The following ARHGAP6 variants were observed in gnomAD, a reference collection of about 807,000 sequenced individuals.
The protein encoded by ARHGAP6 is rho GTPase-activating protein 6.
A neutral mutation model predicts 55.7 loss-of-function variants in ARHGAP6; 16 were observed. The observed-to-expected ratio is 0.29, with a 90% confidence interval of 0.19 to 0.44. ARHGAP6 has a LOEUF of 0.44. ARHGAP6 is among the 20% of genes least tolerant of loss of function. The pLI, the probability that ARHGAP6 is intolerant of heterozygous loss-of-function variation, is 1.00. For synonymous variants in ARHGAP6, 382 were observed against 360.9 expected, an observed-to-expected ratio of 1.06 and a Z score of -0.66; for missense variants, 698 against 808.9, an observed-to-expected ratio of 0.86 and a Z score of 1.66.
At chrX:11,140,158 A>C (rs1181692175) in intron 12 of ARHGAP6, among the ~76,000 whole-genome samples, 1 of 108,412 alleles carries the variant, frequency 9.2e-6, no homozygotes, top group Non-Finnish European at 1.9e-5. Context: ...AAATGTGGAC[A>C]GATGTGATGT....
At chrX:11,330,173 GT>G (rs2048545157) in intron 1 of ARHGAP6, among the ~76,000 whole-genome samples, 1 of 112,998 alleles carries the variant, frequency 8.8e-6, no homozygotes, top group African/African-American at 3.2e-5. Flanking sequence ...CAGCAATGGG[GT>G]TAAAGGGTGC....
intron 1 of ARHGAP6, among the ~76,000 whole-genome samples, chrX:11,473,392 A>G (rs1037133541): frequency 1.8e-5 from 2 of 111,973 alleles, no homozygotes; most frequent in Admixed American, 9.4e-5. Flanking sequence ...TTATTTAGAA[A>G]TGGGATCTTC....
intron 1 of ARHGAP6, among the ~76,000 whole-genome samples, chrX:11,464,545 G>A (rs1456832648): frequency 8.9e-6 from 1 of 112,080 alleles, no homozygotes; most frequent in Non-Finnish European, 1.9e-5. Flanking sequence ...ACAAACCTTG[G>A]CCAAACCCTT....
In ARHGAP6 at chrX:11,503,916, T is replaced by C. The variant is rs769230009; in HGVS notation, c.588+160325A>G. Reference sequence around the variant, plus strand: ...CATGCACACACACATCTGTGTCTTTTGCAAAACCGTGGTTGAAAAATTATC... The same window carrying C: ...CATGCACACACACATCTGTGTCTTTCGCAAAACCGTGGTTGAAAAATTATC... On this transcript the variant is annotated intron_variant, in intron 1 of 12. Transcript: ENST00000337414. Among the ~76,000 whole-genome samples the C allele has an allele frequency of 2.7e-5, 3 of 111,695 alleles. No homozygotes were observed. The East Asian group carries it at 8.4e-4, about 31-fold the overall frequency.
At chrX:11,422,365 C>T (rs944589351) in intron 1 of ARHGAP6, among the ~76,000 whole-genome samples, 2 of 111,193 alleles carry the variant, frequency 1.8e-5, no homozygotes, top group Non-Finnish European at 3.8e-5. Flanking sequence ...AGAAAGGGCA[C>T]AGATGTGGCC....
intron 1 of ARHGAP6, among the ~76,000 whole-genome samples, chrX:11,428,794 A>G (rs991382668): frequency 2.7e-5 from 3 of 111,977 alleles, no homozygotes; most frequent in African/African-American, 9.8e-5. Context: ...CTGGCATGTA[A>G]TATTTTAAAA....
intron 2 of ARHGAP6, among the ~76,000 whole-genome samples, chrX:11,215,488 C>G (rs2046868939): frequency 8.8e-6 from 1 of 113,303 alleles, no homozygotes; most frequent in South Asian, 3.6e-4. Flanking sequence ...GCGATCCCTC[C>G]TGCTCCCACA....
intron 2 of ARHGAP6, among the ~76,000 whole-genome samples, chrX:11,215,801 G>A (rs748773366): frequency 2.8e-4 from 31 of 112,452 alleles, no homozygotes; most frequent in African/African-American, 1.0e-3. Context: ...CTCTCTGCGC[G>A]GGGGGCACAC....
At chrX:11,449,502 A>G (rs1329579480) in intron 1 of ARHGAP6, among the ~76,000 whole-genome samples, 2 of 111,719 alleles carry the variant, frequency 1.8e-5, no homozygotes, top group East Asian at 2.8e-4. Flanking sequence ...CTCTAAAGTC[A>G]CACCTCCACT....
chrX:11,213,582 A>C (rs138842981), intron 2 of ARHGAP6, among the ~76,000 whole-genome samples: 111 of 112,876 alleles, frequency 9.8e-4, no homozygotes, highest in African/African-American at 3.4e-3. Context: ...ATGAAAAAGA[A>C]TGAAATCATG....
chrX:11,468,953 A>G lies in ARHGAP6; in HGVS notation c.588+195288T>C, dbSNP rs148690485. Among the ~76,000 whole-genome samples, 34 of 112,588 alleles carry G rather than the reference A, an allele frequency of 3.0e-4. No individual in the cohort carries two copies. In the East Asian group the frequency reaches 8.6e-3, roughly 29 times the overall value. On this transcript the variant is annotated intron_variant, in intron 1 of 12. Transcript: ENST00000337414. The stretch of plus-strand genomic sequence containing the variant: ...TGAATGGAATTCATGTCTTATAAAG[A>G]CACTAATGTAGAAGAAACATGAGAG...
chrX:11,462,181 T>C (rs1025172945), intron 1 of ARHGAP6, among the ~76,000 whole-genome samples: 9 of 111,908 alleles, frequency 8.0e-5, no homozygotes, highest in African/African-American at 2.6e-4. Context: ...CATTTCCTTC[T>C]TGTGCTTTAG....
At chrX:11,568,045 CAG>C (rs1285441541) in intron 1 of ARHGAP6, among the ~76,000 whole-genome samples, 1 of 111,362 alleles carries the variant, frequency 9.0e-6, no homozygotes, top group Non-Finnish European at 1.9e-5. Context: ...CCTCAGGTGG[CAG>C]AGTTTTAGGT....
intron 1 of ARHGAP6, among the ~76,000 whole-genome samples, chrX:11,493,701 G>C (rs901513614): frequency 1.8e-5 from 2 of 111,388 alleles, no homozygotes; most frequent in Non-Finnish European, 3.8e-5. Flanking sequence ...TTGCTCAACA[G>C]AGAAATAGAA....
chrX:11,155,101 T>C (rs1380556905), intron 10 of ARHGAP6, among the ~76,000 whole-genome samples: 2 of 111,893 alleles, frequency 1.8e-5, no homozygotes, highest in African/African-American at 6.5e-5. Context: ...CGTAATGACC[T>C]GGGAAAGAAG....
chrX:11,232,858 C>T (rs1032426159), intron 2 of ARHGAP6, among the ~76,000 whole-genome samples: 2 of 111,378 alleles, frequency 1.8e-5, no homozygotes, highest in Non-Finnish European at 3.8e-5. Flanking sequence ...GGTTCTGTAC[C>T]TCTCAAACCC....
At position 11,139,004 on chromosome X, in the gene ARHGAP6, G is replaced by T. The variant is rs1469592263; in HGVS notation, c.2784C>A (p.Ser928Arg). ...EQQVTQKKLS[S>R]ANSLPAGEQD... is the part of the protein sequence containing the mutation. ...GCTCGCCCGCTGGCAGGGAGTTGGCGCTGCTCAGTTTTTTCTGCGTGACCT... is the reference window on the plus strand; with the variant it reads ...GCTCGCCCGCTGGCAGGGAGTTGGCTCTGCTCAGTTTTTTCTGCGTGACCT... Residue 928 changes from serine (S) to arginine (R), a missense_variant, in exon 13 of 13, where the codon AGC (serine) becomes AGA (arginine). Ser to Arg is a moderately radical substitution (Grantham distance 110). Transcript: ENST00000337414. The T allele has an allele frequency of 1.7e-6, 2 of 1,208,030 alleles. No individual in the cohort carries two copies. Among genetic ancestry groups the T allele is most frequent in the Admixed American group, 4.4e-5 (2 of 45,940 alleles).
At chrX:11,233,801 A>AT (rs910831462) in intron 2 of ARHGAP6, among the ~76,000 whole-genome samples, 9 of 112,287 alleles carry the variant, frequency 8.0e-5, no homozygotes, top group African/African-American at 2.9e-4. Flanking sequence ...CTTTCCAGCT[A>AT]TTTTTGATCA....
chrX:11,139,773 G>A (rs966423000), intron 12 of ARHGAP6, among the ~76,000 whole-genome samples: 1 of 112,049 alleles, frequency 8.9e-6, no homozygotes, highest in African/African-American at 3.2e-5. Context: ...CAGGTTAGCT[G>A]AGACGTCAGA....
Sources: allele counts gnomAD v4.1 joint callset (sites outside exome capture counted in the v4.1 genomes callset), GRCh38; gene constraint gnomAD v4.1.1; transcripts MANE v1.5; gene names NCBI Gene and HGNC (gene_info 2026-07-23, HGNC 2026-07-21).